The following TMEM114 variants were observed in gnomAD, a reference collection of about 807,000 sequenced individuals.
TMEM114 encodes transmembrane protein 114.
A neutral mutation model predicts 6.2 loss-of-function variants in TMEM114; 6 were observed. The ratio of observed to expected loss-of-function variants is 0.97; its 90% CI spans 0.53 to 1.91. The LOEUF is 1.91. Among genes scored for constraint, TMEM114 ranks in the 40% most tolerant of loss-of-function variants. The pLI, the probability that TMEM114 is intolerant of heterozygous loss-of-function variation, is 0.01. For synonymous variants in TMEM114, 104 were observed against 73.0 expected, an observed-to-expected ratio of 1.42 and a Z score of -2.16; for missense variants, 218 against 158.3, an observed-to-expected ratio of 1.38 and a Z score of -2.02.
intron 2 of TMEM114, among the ~76,000 whole-genome samples, chr16:8,585,965 A>G (rs1902306589): frequency 6.6e-6 from 1 of 152,210 alleles, no homozygotes; most frequent in African/African-American, 2.4e-5. Flanking sequence ...GAACGAGTGA[A>G]TAGACTGTGG....
At chr16:8,527,938 C>A in the TMEM114 span, among the ~76,000 whole-genome samples, 1 of 152,188 alleles carries the variant, frequency 6.6e-6, no homozygotes. Context: ...GACAAAGTCT[C>A]CCTGTGCTGC....
At chr16:8,553,203 C>G (rs1035033881) in intron 2 of TMEM114, among the ~76,000 whole-genome samples, 1 of 152,222 alleles carries the variant, frequency 6.6e-6, no homozygotes, top group Non-Finnish European at 1.5e-5. Flanking sequence ...GGGGCATCAG[C>G]TCAGTGCCCC....
At chr16:8,556,018 C>T (rs184901015) in intron 2 of TMEM114, among the ~76,000 whole-genome samples, 1 of 152,340 alleles carries the variant, frequency 6.6e-6, no homozygotes, top group Admixed American at 6.5e-5. Context: ...CCTCCTTCAA[C>T]ACCACCTGTC....
chr16:8,557,857 G>C, intron 2 of TMEM114, among the ~76,000 whole-genome samples: 1 of 152,210 alleles, frequency 6.6e-6, no homozygotes, highest in East Asian at 1.9e-4. Context: ...TTGTGATATA[G>C]TGACTTTAGT....
chr16:8,550,899 C>A (rs986354169), intron 2 of TMEM114, among the ~76,000 whole-genome samples: 1 of 152,122 alleles, frequency 6.6e-6, no homozygotes, highest in Non-Finnish European at 1.5e-5. Flanking sequence ...CTGAGAGAAC[C>A]GCAGTAGAAG....
intron 2 of TMEM114, among the ~76,000 whole-genome samples, chr16:8,574,190 A>G (rs1428829393): frequency 6.6e-6 from 1 of 152,154 alleles, no homozygotes; most frequent in African/African-American, 2.4e-5. Context: ...TGGGCATGTC[A>G]TTTAATTACT....
chr16:8,577,656 T>A (rs1315981824), intron 2 of TMEM114, among the ~76,000 whole-genome samples: 2 of 152,086 alleles, frequency 1.3e-5, no homozygotes, highest in Non-Finnish European at 2.9e-5. Context: ...CCATCTCAGA[T>A]CACTGCAACC....
At chr16:8,535,406 G>A (rs1900326669), downstream of TMEM114, among the ~76,000 whole-genome samples, 1 of 151,876 alleles carries the variant, frequency 6.6e-6, no homozygotes, top group African/African-American at 2.4e-5. Flanking sequence ...AGCTTCATCG[G>A]GATTTTTTTT....
intron 2 of TMEM114, among the ~76,000 whole-genome samples, chr16:8,544,826 G>C (rs566377571): frequency 9.7e-4 from 148 of 152,218 alleles, no homozygotes; most frequent in Non-Finnish European, 1.4e-3. Context: ...TTGAAAAATA[G>C]CTGCACCCAG....
chr16:8,546,925 C>T (rs1900685548), intron 2 of TMEM114, among the ~76,000 whole-genome samples: 2 of 152,118 alleles, frequency 1.3e-5, no homozygotes, highest in African/African-American at 2.4e-5. Context: ...GGTTGGGCTG[C>T]GTTTATTTCT....
intron 1 of TMEM114, 56 bp from the exon 2 acceptor site, chr16:8,589,349 C>T: frequency 2.5e-6 from 1 of 398,858 alleles, no homozygotes. Flanking sequence ...GTGCAGCACC[C>T]TCGTCTGCGG....
intron 2 of TMEM114, among the ~76,000 whole-genome samples, chr16:8,579,888 C>T (rs575835848): frequency 1.3e-5 from 2 of 152,160 alleles, no homozygotes; most frequent in Non-Finnish European, 2.9e-5. Flanking sequence ...GACATGGACA[C>T]GTACTCCAGC....
At chr16:8,549,235 C>G (rs1481936667) in intron 2 of TMEM114, among the ~76,000 whole-genome samples, 1 of 143,642 alleles carries the variant, frequency 7.0e-6, no homozygotes, top group Non-Finnish European at 1.5e-5. Flanking sequence ...GGTGGTGGCT[C>G]ACACCTATAA....
intron 2 of TMEM114, among the ~76,000 whole-genome samples, chr16:8,545,432 C>G (rs1900634751): frequency 6.6e-6 from 1 of 152,152 alleles, no homozygotes; most frequent in African/African-American, 2.4e-5. Flanking sequence ...TACTCTGTCT[C>G]AGAAAATAAT....
downstream of TMEM114, among the ~76,000 whole-genome samples, chr16:8,536,621 G>A (rs1900367800): frequency 6.6e-6 from 1 of 152,134 alleles, no homozygotes; most frequent in Non-Finnish European, 1.5e-5. Flanking sequence ...GCACCCTTAA[G>A]TTCAGATGCT....
intron 2 of TMEM114, among the ~76,000 whole-genome samples, chr16:8,553,455 G>A (rs1900907303): frequency 6.6e-6 from 1 of 151,958 alleles, no homozygotes; most frequent in African/African-American, 2.4e-5. Context: ...GGAGTGCAGT[G>A]GCACTATCTA....
At chr16:8,574,050 G>A (rs1319601011) in intron 2 of TMEM114, among the ~76,000 whole-genome samples, 2 of 152,166 alleles carry the variant, frequency 1.3e-5, no homozygotes, top group Non-Finnish European at 2.9e-5. Context: ...CTCTCAGGCA[G>A]GAAACTATGT....
chr16:8,544,700 C>G (rs1015478554), intron 2 of TMEM114, among the ~76,000 whole-genome samples: 3 of 152,178 alleles, frequency 2.0e-5, no homozygotes, highest in Admixed American at 1.3e-4. Flanking sequence ...GATTTCATGG[C>G]AGTAGTCTCA....
downstream of TMEM114, among the ~76,000 whole-genome samples, chr16:8,566,389 A>AAAT (rs1901546911): frequency 6.6e-6 from 1 of 151,458 alleles, no homozygotes; most frequent in African/African-American, 2.4e-5. Context: ...AAAAAAAAAA[A>AAAT]TCAGAATAGA....
Sources: allele counts gnomAD v4.1 joint callset (sites outside exome capture counted in the v4.1 genomes callset), GRCh38; gene constraint gnomAD v4.1.1; transcripts MANE v1.5; gene names NCBI Gene and HGNC (gene_info 2026-07-23, HGNC 2026-07-21).